GRIN2B: variants seen among roughly 807,000 people sequenced by gnomAD.
GRIN2B encodes glutamate ionotropic receptor NMDA type subunit 2B, also known as glutamate receptor ionotropic, NMDA 2B.
A neutral mutation model predicts 114.5 loss-of-function variants in GRIN2B; 5 were observed. The ratio of observed to expected loss-of-function variants is 0.04; its 90% CI spans 0.02 to 0.09. GRIN2B has a LOEUF of 0.09. Among genes scored for constraint, GRIN2B ranks in the 10% least tolerant of loss-of-function variants. The pLI is 1.00. For missense variants in GRIN2B, 1,108 were observed against 1,943.5 expected (o/e 0.57, Z 8.08); for synonymous variants, 787 against 745.1 (o/e 1.06, Z -0.92).
chr12:13,674,776 A>G (rs1223833721), intron 5 of GRIN2B, among the ~76,000 whole-genome samples: 2 of 152,196 alleles, frequency 1.3e-5, no homozygotes, highest in African/African-American at 2.4e-5. Context: ...AGGGGTCTCA[A>G]GGTAGAATAA....
Position 13,564,097 on chromosome 12 carries a change from G to A in GRIN2B, c.3141C>T (p.Asp1047=). The change falls in exon 14 of 14, where the codon GAC becomes GAT. Residue 1047 remains aspartate (D), a synonymous_variant. Transcript: ENST00000609686. This position sits in a 1 kb window ranked among gnomAD's most constrained non-coding sequence, Gnocchi z 4.8. ...DLYGKFSFKS[D]RYSGHDDLIR... is the part of the protein sequence containing the mutation. The stretch of plus-strand genomic sequence containing the variant: ...TCAAGTCGTCGTGGCCACTGTAGCG[G>A]TCGCTCTTGAAGGAGAATTTGCCGT... 6 of 1,614,194 alleles carry A rather than the reference G, an allele frequency of 3.7e-6. No individual in the cohort carries two copies. The highest frequency in any genetic ancestry group is 5.1e-6 in the Non-Finnish European group (6 of 1,180,034).
At chr12:13,751,400 T>A (rs1248698330) in intron 4 of GRIN2B, among the ~76,000 whole-genome samples, 1 of 152,152 alleles carries the variant, frequency 6.6e-6, no homozygotes, top group African/African-American at 2.4e-5. Context: ...AGGAAGATCA[T>A]GTAAGAAGCC....
chr12:13,699,645 T>C (rs972216445), intron 4 of GRIN2B, among the ~76,000 whole-genome samples: 1 of 151,894 alleles, frequency 6.6e-6, no homozygotes, highest in Non-Finnish European at 1.5e-5. Flanking sequence ...CGGAGTGAAG[T>C]AGCATTATCT....
Position 13,560,519 on chromosome 12 carries a change from G to C in GRIN2B, c.*2264C>G, listed in dbSNP as rs1272797958. ...GTTGGTTTGGTTTTTTTGTTTGAAA[G>C]GGGTGAGGTAAGAGGAAGATGAGGG... On this transcript the variant is annotated 3_prime_UTR_variant, in exon 14 of 14. Transcript: ENST00000609686. The C allele has an allele frequency of 3.3e-5, 5 of 152,328 alleles. No homozygotes were observed. The highest frequency in any genetic ancestry group is 1.2e-4 in the African/African-American group (5 of 41,562). 9.4% of individuals were successfully genotyped at this position (152,328 alleles called of 1,614,324 possible).
chr12:13,805,328 G>A (rs968160061), intron 3 of GRIN2B, among the ~76,000 whole-genome samples: 4 of 152,114 alleles, frequency 2.6e-5, no homozygotes, highest in African/African-American at 9.7e-5. Flanking sequence ...AGAAACCAGA[G>A]TTCATGGATC....
intron 2 of GRIN2B, among the ~76,000 whole-genome samples, chr12:13,932,558 G>C (rs1334542600): frequency 6.6e-6 from 1 of 152,160 alleles, no homozygotes; most frequent in Non-Finnish European, 1.5e-5. Flanking sequence ...CCAGTCAAAA[G>C]TCTTTATTTC....
chr12:13,565,627 C>A (rs1806202), intron 13 of GRIN2B, among the ~76,000 whole-genome samples: 22,972 of 152,010 alleles, frequency 0.15, 1,790 homozygotes, highest in East Asian at 0.2. Flanking sequence ...GAAAGGTGGA[C>A]AAACTTGGAA....
chr12:13,899,818 TA>T (rs1866412689), intron 2 of GRIN2B, among the ~76,000 whole-genome samples: 1 of 106,974 alleles, frequency 9.3e-6, no homozygotes, highest in African/African-American at 2.6e-5. Flanking sequence ...ATGTGCTTTA[TA>T]GAAGACAGTA....
intron 10 of GRIN2B, among the ~76,000 whole-genome samples, chr12:13,573,036 C>T (rs1489562503): frequency 7.9e-6 from 1 of 125,796 alleles, no homozygotes; most frequent in Non-Finnish European, 1.8e-5. Flanking sequence ...CCGCCACTTA[C>T]CACTGTGTAA....
chr12:13,771,371 A>T (rs1480601869), intron 3 of GRIN2B, among the ~76,000 whole-genome samples: 2 of 152,206 alleles, frequency 1.3e-5, no homozygotes, highest in Non-Finnish European at 2.9e-5. Flanking sequence ...AAAAAACTAA[A>T]ATTTAGACTT....
At chr12:13,657,573 T>C (rs1308084146) in intron 5 of GRIN2B, among the ~76,000 whole-genome samples, 2 of 152,098 alleles carry the variant, frequency 1.3e-5, no homozygotes, top group African/African-American at 4.8e-5. Flanking sequence ...AAGTGAGTGA[T>C]GCAGAAGGCA....
At chr12:13,641,260 TG>T (rs1490437526) in intron 5 of GRIN2B, among the ~76,000 whole-genome samples, 1 of 151,820 alleles carries the variant, frequency 6.6e-6, no homozygotes, top group Non-Finnish European at 1.5e-5. Context: ...TTAGTAGAGA[TG>T]GGGGTTTCAC....
intron 2 of GRIN2B, among the ~76,000 whole-genome samples, chr12:13,929,832 T>G (rs1866991061): frequency 1.3e-5 from 2 of 152,328 alleles, no homozygotes; most frequent in East Asian, 3.9e-4. Flanking sequence ...CTGTGATGGT[T>G]CACTGCAATG....
At position 13,562,972 on chromosome 12, in the gene GRIN2B, C is replaced by T; in HGVS notation, c.4266G>A (p.Arg1422=). The T allele has an allele frequency of 1.2e-6, 2 of 1,613,970 alleles. No individual in the cohort carries two copies. Among genetic ancestry groups the T allele is most frequent in the Non-Finnish European group, 8.5e-7 (1 of 1,179,858 alleles). ...CCACCGGCTTGTTGGTGACAAGGGCCCGGAAGTCCGGCCTGGCTTTCGACG... is the reference window on the plus strand; with the variant it reads ...CCACCGGCTTGTTGGTGACAAGGGCTCGGAAGTCCGGCCTGGCTTTCGACG... The part of the protein sequence containing the change: ...AGASKARPDF[R]ALVTNKPVVS... Residue 1422 remains arginine (R), a synonymous_variant, in exon 14 of 14, where the codon CGG becomes CGA. Transcript: ENST00000609686.
intron 3 of GRIN2B, among the ~76,000 whole-genome samples, chr12:13,796,536 G>A (rs899708616): frequency 1.3e-5 from 2 of 152,176 alleles, no homozygotes; most frequent in Non-Finnish European, 2.9e-5. Context: ...AAATGGAAAT[G>A]TCCATTAACC....
chr12:13,921,388 G>C (rs78995056), intron 2 of GRIN2B, among the ~76,000 whole-genome samples: 2 of 152,060 alleles, frequency 1.3e-5, no homozygotes, highest in African/African-American at 4.8e-5. Context: ...TGGGTGACAG[G>C]AGCAAGACTA....
intron 3 of GRIN2B, among the ~76,000 whole-genome samples, chr12:13,851,675 A>G (rs534082689): frequency 1.3e-5 from 2 of 152,282 alleles, no homozygotes; most frequent in South Asian, 2.1e-4. Context: ...TATAAATTCT[A>G]CCAAGCTCCT....
At chr12:13,972,795 A>C (rs1173315189) in intron 2 of GRIN2B, among the ~76,000 whole-genome samples, 1 of 152,228 alleles carries the variant, frequency 6.6e-6, no homozygotes, top group African/African-American at 2.4e-5. Context: ...CCTGTGCCAC[A>C]CACAGAGACC....
chr12:13,578,066 T>C (rs572280489), intron 10 of GRIN2B, among the ~76,000 whole-genome samples: 1 of 152,354 alleles, frequency 6.6e-6, no homozygotes, highest in Non-Finnish European at 1.5e-5. Flanking sequence ...ACAGTAAGCC[T>C]GTTTTTTATT....
Sources: gnomAD v4.1 joint callset for allele counts (sites outside exome capture counted in the v4.1 genomes callset) on GRCh38, gnomAD v4.1.1 for gene constraint, Gnocchi (gnomAD v3.1) non-coding constraint, MANE v1.5 for transcripts, NCBI Gene and HGNC (gene_info 2026-07-23, HGNC 2026-07-21) for gene names.